FGF14: variants seen among roughly 807,000 people sequenced by gnomAD.
The protein encoded by FGF14 is fibroblast growth factor 14.
FGF14 carries 5 observed loss-of-function variants against 25.5 expected under a neutral mutation model. The observed-to-expected ratio is 0.20, with a 90% CI of 0.10 to 0.41. The LOEUF is 0.41. Ranked by LOEUF, FGF14 falls within the 10% of genes least tolerant of loss-of-function variation. The pLI, the probability that FGF14 is intolerant of heterozygous loss-of-function variation, is 1.00. For missense variants in FGF14, 222 were observed against 320.1 expected, an observed-to-expected ratio of 0.69 and a Z score of 2.34; for synonymous variants, 138 against 118.3, an observed-to-expected ratio of 1.17 and a Z score of -1.08.
intron 1 of FGF14, among the ~76,000 whole-genome samples, chr13:102,278,733 C>T (rs1278644195): frequency 6.6e-5 from 10 of 151,952 alleles, no homozygotes; most frequent in Non-Finnish European, 7.4e-5. Flanking sequence ...GCTATCATAA[C>T]GCTCATTTGT....
intron 1 of FGF14, among the ~76,000 whole-genome samples, chr13:102,362,253 C>G (rs1432243104): frequency 3.9e-5 from 6 of 152,144 alleles, no homozygotes; most frequent in African/African-American, 1.4e-4. Flanking sequence ...TACAAGCTTT[C>G]ATTCCCTCGT....
chr13:102,101,321 C>T (rs2044653528), intron 1 of FGF14, among the ~76,000 whole-genome samples: 1 of 152,106 alleles, frequency 6.6e-6, no homozygotes, highest in African/African-American at 2.4e-5. Context: ...TAACTATTTA[C>T]AGTTACATAC....
At chr13:101,866,985 G>A (rs559457336) in intron 3 of FGF14, among the ~76,000 whole-genome samples, 3 of 152,094 alleles carry the variant, frequency 2.0e-5, no homozygotes, top group Non-Finnish European at 4.4e-5. Flanking sequence ...CCAAAGGGGA[G>A]GCCTGGAAGC....
intron 4 of FGF14, among the ~76,000 whole-genome samples, chr13:101,725,242 AT>A (rs1400799555): frequency 6.6e-6 from 1 of 152,106 alleles, no homozygotes; most frequent in African/African-American, 2.4e-5. Flanking sequence ...TGTTATCAAA[AT>A]TTATTTAAAA....
rs375473105 is a variant in FGF14 at position 102,131,721 on chromosome 13, T to G, written c.209-256425A>C. Among the ~76,000 whole-genome samples, 14 of 152,222 alleles carry G rather than the reference T, an allele frequency of 9.2e-5. No homozygotes were observed. The East Asian group carries it at 2.1e-3, about 23-fold the overall frequency. On this transcript the variant is annotated intron_variant, in intron 1 of 4. Transcript: ENST00000376131. ...CTACCTAATTTGTTTATGTTTTCTT[T>G]TTAATCTTCTAAGATGTTCTAGGCT...
chr13:101,715,709 A>G lies in FGF14; in HGVS notation c.*7122T>C, dbSNP rs2034691347. The G allele has an allele frequency of 1.8e-6, 2 of 1,106,786 alleles. No homozygotes were observed. Among genetic ancestry groups the G allele is most frequent in the Non-Finnish European group, 2.8e-6 (2 of 717,564 alleles). The allele number at this position is 1,106,786 out of a possible 1,614,324, so 68.6% of individuals were successfully genotyped here. A position where few individuals can be genotyped will look rare whatever the true frequency, so the allele number is the denominator to read the frequency against. On this transcript the variant is annotated 3_prime_UTR_variant, in exon 5 of 5. Coordinates refer to ENST00000376143, the MANE Select transcript of FGF14 (RefSeq NM_004115.4). ...TTTTTTCTGGGCCATTAGAACAGAT[A>G]AATGCGAAGGAAACCATGTATATTC...
At chr13:102,210,958 G>A (rs1018152900) in intron 1 of FGF14, among the ~76,000 whole-genome samples, 5 of 151,998 alleles carry the variant, frequency 3.3e-5, no homozygotes, top group East Asian at 1.9e-4. Context: ...TGTCTTAGGC[G>A]GTGAACAACC....
chr13:102,116,404 G>A (rs1163982374), intron 1 of FGF14, among the ~76,000 whole-genome samples: 1 of 151,996 alleles, frequency 6.6e-6, no homozygotes, highest in Admixed American at 6.6e-5. Flanking sequence ...ATATATGCAC[G>A]TATAGGAGTA....
At chr13:102,290,693 G>T (rs187359022) in intron 1 of FGF14, among the ~76,000 whole-genome samples, 2 of 152,186 alleles carry the variant, frequency 1.3e-5, no homozygotes, top group Non-Finnish European at 2.9e-5. Flanking sequence ...CTTGGCTGTG[G>T]TCTTCAGCTT....
intron 1 of FGF14, among the ~76,000 whole-genome samples, chr13:101,959,491 T>C (rs931697060): frequency 1.1e-4 from 17 of 152,324 alleles, no homozygotes; most frequent in African/African-American, 4.1e-4. Context: ...GTTTCACAAC[T>C]TTCAGTCGCA....
At position 102,319,929 on chromosome 13, in the gene FGF14, A is replaced by C. The variant is rs149536894; in HGVS notation, c.208+81542T>G. On this transcript the variant is annotated intron_variant, in intron 1 of 4. Coordinates refer to the FGF14 transcript ENST00000376131. ...CATACTGATGAAAGCCACTTTGCTG[A>C]TATCCCCAAATAACCACTGAACTAC... Among the ~76,000 whole-genome samples the C allele has an allele frequency of 2.5e-3, 377 of 152,276 alleles. 1 individual carries two copies. Among genetic ancestry groups the C allele is most frequent in the African/African-American group, 8.4e-3 (350 of 41,552 alleles).
chr13:101,806,423 G>GAAAAAA (rs145519828), intron 3 of FGF14, among the ~76,000 whole-genome samples: 1 of 60,420 alleles, frequency 1.7e-5, no homozygotes, highest in African/African-American at 5.6e-5. Flanking sequence ...CGTCTAAGAA[G>GAAAAAA]AAAAAAAAAA....
At chr13:101,788,905 TATATAGAGAGAGAG>T (rs1371782717) in intron 3 of FGF14, among the ~76,000 whole-genome samples, 91 of 32,816 alleles carry the variant, frequency 2.8e-3, no homozygotes, top group East Asian at 0.015. Context: ...TATATATATA[TATATAGAGAGAGAG>T]AGAGAGAGAG....
intron 1 of FGF14, among the ~76,000 whole-genome samples, chr13:102,326,667 GGGGAAGGGAAGGGAA>G (rs1334021858): frequency 8.0e-5 from 6 of 74,840 alleles, no homozygotes; most frequent in East Asian, 4.0e-4. Context: ...GGGGAAGGGA[GGGGAAGGGAAGGGAA>G]GGGAAGGGAA....
At chr13:102,158,042 G>A (rs1178584511) in intron 1 of FGF14, among the ~76,000 whole-genome samples, 1 of 152,180 alleles carries the variant, frequency 6.6e-6, no homozygotes, top group Non-Finnish European at 1.5e-5. Context: ...AGAGGATGTG[G>A]AGAAATAGGA....
intron 1 of FGF14, among the ~76,000 whole-genome samples, chr13:102,227,343 T>C (rs1189723762): frequency 1.3e-5 from 2 of 152,142 alleles, no homozygotes; most frequent in Non-Finnish European, 2.9e-5. Context: ...AATGCTTAAA[T>C]GTCTCATCTT....
chr13:102,138,851 G>A (rs1286865333), intron 1 of FGF14, among the ~76,000 whole-genome samples: 3 of 152,160 alleles, frequency 2.0e-5, no homozygotes, highest in Non-Finnish European at 4.4e-5. Flanking sequence ...ATCACAACTG[G>A]TATTGTTTTC....
At chr13:102,245,775 G>A (rs545725570) in intron 1 of FGF14, among the ~76,000 whole-genome samples, 2 of 152,106 alleles carry the variant, frequency 1.3e-5, no homozygotes, top group Non-Finnish European at 2.9e-5. Context: ...AAACAGTTAT[G>A]AGAATTGAGA....
chr13:102,129,298 T>C (rs1239767181), intron 1 of FGF14, among the ~76,000 whole-genome samples: 3 of 151,894 alleles, frequency 2.0e-5, no homozygotes, highest in South Asian at 2.1e-4. Context: ...CCTTTAAGGA[T>C]TTTTTTTCAC....
Sources: allele counts gnomAD v4.1 joint callset (sites outside exome capture counted in the v4.1 genomes callset), GRCh38; gene constraint gnomAD v4.1.1; transcripts MANE v1.5; gene names NCBI Gene and HGNC (gene_info 2026-07-23, HGNC 2026-07-21).